KLHL1: variants seen among roughly 807,000 people sequenced by gnomAD.
KLHL1 encodes the protein kelch like family member 1, also known as kelch-like protein 1.
A neutral mutation model predicts 77.7 loss-of-function variants in KLHL1; 47 were observed. The observed-to-expected ratio is 0.60, with a 90% CI of 0.48 to 0.77. The LOEUF (loss-of-function observed/expected upper bound fraction) is 0.77. KLHL1 is among the 30% of genes least tolerant of loss of function. KLHL1 has a pLI of 0.00. For synonymous variants in KLHL1, 360 were observed against 325.2 expected (o/e 1.11, Z -1.15); for missense variants, 925 against 910.8 (o/e 1.02, Z -0.20).
At chr13:69,907,490 A>G (rs1882081530) in intron 4 of KLHL1, among the ~76,000 whole-genome samples, 1 of 151,992 alleles carries the variant, frequency 6.6e-6, no homozygotes, top group African/African-American at 2.4e-5. Flanking sequence ...ATTTGTGTTT[A>G]TATGTAAATT....
At position 69,978,488 on chromosome 13, in the gene KLHL1, A is replaced by AT. The variant is rs66960703; in HGVS notation, c.498-2687dup. Among the ~76,000 whole-genome samples, 312 of 139,778 alleles carry AT rather than the reference A, an allele frequency of 2.2e-3. 1 individual carries two copies. Among genetic ancestry groups the AT allele is most frequent in the African/African-American group, 7.9e-3 (300 of 38,112 alleles). 91.7% of individuals were successfully genotyped at this position (139,778 alleles called of 152,430 possible). On this transcript the variant is annotated intron_variant, in intron 1 of 10. Coordinates refer to ENST00000377844, the MANE Select transcript of KLHL1 (RefSeq NM_020866.3). ...TTAAAGGAAATATTCTGGTCAGAAT[A>AT]TTTTTTTTTTTTTTTTGAGACAAAG...
intron 4 of KLHL1, among the ~76,000 whole-genome samples, chr13:69,933,002 G>A (rs1421507121): frequency 2.1e-5 from 3 of 146,128 alleles, no homozygotes; most frequent in African/African-American, 5.2e-5. Flanking sequence ...AACAAAAACA[G>A]AGGAAGAAGA....
At chr13:69,988,089 T>TC (rs1555288361) in intron 1 of KLHL1, among the ~76,000 whole-genome samples, 1 of 150,844 alleles carries the variant, frequency 6.6e-6, no homozygotes, top group African/African-American at 2.5e-5. Context: ...AGCTTTTTTT[T>TC]GGCGGGGGGA....
chr13:70,033,522 T>C (rs1886162899), intron 1 of KLHL1, among the ~76,000 whole-genome samples: 1 of 151,178 alleles, frequency 6.6e-6, no homozygotes, highest in Non-Finnish European at 1.5e-5. Flanking sequence ...TTAGCCAGGA[T>C]GGTCTCAATC....
intron 3 of KLHL1, among the ~76,000 whole-genome samples, chr13:69,946,417 G>T (rs1161584534): frequency 6.6e-6 from 1 of 152,248 alleles, no homozygotes; most frequent in East Asian, 1.9e-4. Context: ...CAAGTAGATA[G>T]AAACATTTTC....
intron 1 of KLHL1, among the ~76,000 whole-genome samples, chr13:70,008,931 G>A (rs1566494371): frequency 6.6e-6 from 1 of 152,016 alleles, no homozygotes; most frequent in Non-Finnish European, 1.5e-5. Context: ...ACAATACAAT[G>A]CACTTCTCTC....
chr13:69,843,360 G>C (rs1879339915), intron 5 of KLHL1, among the ~76,000 whole-genome samples: 1 of 151,584 alleles, frequency 6.6e-6, no homozygotes, highest in Non-Finnish European at 1.5e-5. Flanking sequence ...GAATGCAAGA[G>C]TTTGGAAACA....
intron 5 of KLHL1, among the ~76,000 whole-genome samples, chr13:69,861,339 T>C (rs1172346769): frequency 6.6e-6 from 1 of 152,108 alleles, no homozygotes; most frequent in African/African-American, 2.4e-5. Flanking sequence ...TTTGTATAGA[T>C]ACTTTATATG....
chr13:69,878,606 A>T (rs1030407322), intron 5 of KLHL1, among the ~76,000 whole-genome samples: 1 of 152,084 alleles, frequency 6.6e-6, no homozygotes, highest in Non-Finnish European at 1.5e-5. Flanking sequence ...AGCAATATAT[A>T]ATTATATGTT....
At chr13:69,952,856 G>A (rs145288722) in intron 3 of KLHL1, among the ~76,000 whole-genome samples, 15 of 151,426 alleles carry the variant, frequency 9.9e-5, no homozygotes, top group South Asian at 6.2e-4. Flanking sequence ...TGACAGGGTT[G>A]TTTTGCTTGT....
intron 1 of KLHL1, among the ~76,000 whole-genome samples, chr13:69,987,480 G>A (rs918502377): frequency 1.3e-5 from 2 of 151,556 alleles, no homozygotes; most frequent in Non-Finnish European, 2.9e-5. Flanking sequence ...TCCTGGTGAA[G>A]TATCACAAAG....
At chr13:69,786,619 C>T (rs1402918639) in intron 7 of KLHL1, among the ~76,000 whole-genome samples, 1 of 152,164 alleles carries the variant, frequency 6.6e-6, no homozygotes, top group Non-Finnish European at 1.5e-5. Context: ...CCCTCTCTCA[C>T]CACTCCTATT....
intron 7 of KLHL1, among the ~76,000 whole-genome samples, chr13:69,742,908 T>C (rs1874045006): frequency 1.3e-5 from 2 of 152,202 alleles, no homozygotes; most frequent in Admixed American, 1.3e-4. Flanking sequence ...TTCAAAAGGA[T>C]ATGATATATC....
chr13:69,778,218 C>T (rs1214991887), intron 7 of KLHL1, among the ~76,000 whole-genome samples: 3 of 151,876 alleles, frequency 2.0e-5, no homozygotes, highest in Non-Finnish European at 2.9e-5. Flanking sequence ...CAGAGGAAAA[C>T]CTAGGTTAGT....
intron 7 of KLHL1, among the ~76,000 whole-genome samples, chr13:69,790,469 C>A (rs998925047): frequency 6.6e-6 from 1 of 152,070 alleles, no homozygotes; most frequent in African/African-American, 2.4e-5. Flanking sequence ...TACCTTGATA[C>A]CTAAACCAGA....
chr13:69,930,628 C>A (rs554401612), intron 4 of KLHL1, among the ~76,000 whole-genome samples: 66 of 151,852 alleles, frequency 4.3e-4, no homozygotes, highest in African/African-American at 1.6e-3. Context: ...CTAATAAAGG[C>A]AATATGCCAT....
intron 1 of KLHL1, among the ~76,000 whole-genome samples, chr13:69,989,416 T>C (rs1884964984): frequency 6.6e-6 from 1 of 152,094 alleles, no homozygotes; most frequent in Non-Finnish European, 1.5e-5. Flanking sequence ...AGATTTGTTC[T>C]TTTTGCTTAG....
intron 2 of KLHL1, among the ~76,000 whole-genome samples, chr13:69,964,963 C>G (rs1884171260): frequency 6.6e-6 from 1 of 150,540 alleles, no homozygotes; most frequent in Admixed American, 6.6e-5. Context: ...ACTACCCCCA[C>G]AAAAAAAAAT....
chr13:69,988,772 G>A lies in KLHL1; in HGVS notation c.498-12970C>T, dbSNP rs181538631. On this transcript the variant is annotated intron_variant, in intron 1 of 10. Coordinates refer to ENST00000377844, the MANE Select transcript of KLHL1 (RefSeq NM_020866.3). ...GCAAGTATGTCTTCCTTTGACAAGT[G>A]TCTTCATGTCTTTGCCCACTTTTTA... is the stretch of plus-strand genomic sequence containing the variant. Among the ~76,000 whole-genome samples, 9 of 152,078 alleles carry A rather than the reference G, an allele frequency of 5.9e-5. No homozygotes were observed. In the East Asian group the frequency reaches 1.7e-3, roughly 29 times the overall value.
Sources: allele counts gnomAD v4.1 joint callset (sites outside exome capture counted in the v4.1 genomes callset), GRCh38; gene constraint gnomAD v4.1.1; transcripts MANE v1.5; gene names NCBI Gene and HGNC (gene_info 2026-07-23, HGNC 2026-07-21).